Variants in SLC6A5 observed in about 807,000 individuals in gnomAD.
SLC6A5 encodes the protein solute carrier family 6 member 5, also known as sodium- and chloride-dependent glycine transporter 2.
In SLC6A5, 58 loss-of-function variants were observed where a neutral mutation model predicts 90.5. The ratio of observed to expected loss-of-function variants is 0.64; its 90% CI spans 0.52 to 0.80. The LOEUF (loss-of-function observed/expected upper bound fraction) is 0.80. SLC6A5 is among the 30% of genes least tolerant of loss of function. The pLI, the probability that SLC6A5 is intolerant of heterozygous loss-of-function variation, is 0.00. For synonymous variants in SLC6A5, 427 were observed against 401.4 expected (o/e 1.06, Z -0.76); for missense variants, 1,015 against 1,017.6 (o/e 1.00, Z 0.03).
In SLC6A5 at chr11:20,658,240, ATTTTC is replaced by A. The variant is rs533675977; in HGVS notation, c.*3379_*3383del. On this transcript the variant is annotated 3_prime_UTR_variant, in exon 16 of 16. Transcript: ENST00000525748. Reference sequence around the variant, plus strand: ...ATGGTTTCCCATGCCTAAAAGTAAGATTTTCTTTTCTCTTTGTTCCCTTGGCTGTA... The same window carrying A: ...ATGGTTTCCCATGCCTAAAAGTAAGATTTTCTCTTTGTTCCCTTGGCTGTA... 96 of 152,094 alleles carry A rather than the reference ATTTTC, an allele frequency of 6.3e-4. No homozygotes were observed. The highest frequency in any genetic ancestry group is 2.3e-3 in the African/African-American group (94 of 41,476). The allele number at this position is 152,094 out of a possible 1,614,324, so 9.4% of individuals were successfully genotyped here.
chr11:20,636,126 C>T (rs1268649329), intron 10 of SLC6A5, among the ~76,000 whole-genome samples, 181 bp from the exon 11 acceptor site: 2 of 152,168 alleles, frequency 1.3e-5, no homozygotes, highest in Non-Finnish European at 2.9e-5. Context: ...TGGTCTTCCC[C>T]TTCAAGGAGC....
intron 10 of SLC6A5, among the ~76,000 whole-genome samples, chr11:20,633,107 A>G (rs988455156): frequency 2.0e-5 from 3 of 152,184 alleles, no homozygotes; most frequent in Admixed American, 6.5e-5. Context: ...CTTCAGAGCC[A>G]TCTCGCCACC....
intron 8 of SLC6A5, among the ~76,000 whole-genome samples, chr11:20,627,359 A>G (rs558652187): frequency 6.6e-6 from 1 of 152,248 alleles, no homozygotes; most frequent in Admixed American, 6.5e-5. Context: ...AAAAACTACA[A>G]ATGAGGGGGT....
At chr11:20,618,734 C>T (rs938055121) in intron 7 of SLC6A5, among the ~76,000 whole-genome samples, 3 of 151,976 alleles carry the variant, frequency 2.0e-5, no homozygotes, top group African/African-American at 7.3e-5. Flanking sequence ...GCCTGGAGTT[C>T]GAGACCACCC....
chr11:20,614,752 C>T lies in SLC6A5; in HGVS notation c.1059C>T (p.Asn353=), dbSNP rs377270882. Residue 353 remains asparagine (N), a synonymous_variant, in exon 6 of 16, where the codon AAC becomes AAT. Transcript: ENST00000525748. ...CTTTCTGCATGACCGCTTATCCCAACGTGACAATGGTTAATTTCACCAGCC... is the reference window on the plus strand; with the variant it reads ...CTTTCTGCATGACCGCTTATCCCAATGTGACAATGGTTAATTTCACCAGCC... ...NSTFCMTAYP[N]VTMVNFTSQA... 312 of 1,613,510 alleles carry T rather than the reference C, an allele frequency of 1.9e-4. No individual in the cohort carries two copies. Among genetic ancestry groups the T allele is most frequent in the Non-Finnish European group, 2.3e-4 (272 of 1,179,538 alleles).
At chr11:20,642,707 A>G (rs1380223205) in intron 13 of SLC6A5, among the ~76,000 whole-genome samples, 1 of 152,156 alleles carries the variant, frequency 6.6e-6, no homozygotes, top group African/African-American at 2.4e-5. Flanking sequence ...AACCATATAA[A>G]CAGAGGCCTA....
intron 3 of SLC6A5, among the ~76,000 whole-genome samples, chr11:20,606,244 T>C (rs568744969): frequency 1.3e-5 from 2 of 152,304 alleles, no homozygotes; most frequent in Admixed American, 6.5e-5. Context: ...ACGGGGCATT[T>C]TGAGGAATAA....
Position 20,614,070 on chromosome 11 carries a change from C to A in SLC6A5, c.986-609C>A, listed in dbSNP as rs191706927. 2.8e-3 allele frequency among the ~76,000 whole-genome samples: 425 copies of A among 152,278 alleles called. 3 individuals are homozygous for A. The highest frequency in any genetic ancestry group is 0.026 in the Admixed American group (392 of 15,296). The stretch of plus-strand genomic sequence containing the variant: ...ACGGCGTGGTTGCTGCCTCTGCTTA[C>A]CCACGTGAGAGTAGAAAGTACACAG... On this transcript the variant is annotated intron_variant, in intron 5 of 15. Coordinates refer to ENST00000525748, the MANE Select transcript of SLC6A5 (RefSeq NM_004211.5).
chr11:20,602,976 G>T (rs528408084), intron 2 of SLC6A5, among the ~76,000 whole-genome samples: 2 of 152,122 alleles, frequency 1.3e-5, no homozygotes, highest in Non-Finnish European at 2.9e-5. Flanking sequence ...AAGGATTGAA[G>T]GGTGGGATTA....
intron 14 of SLC6A5, among the ~76,000 whole-genome samples, chr11:20,651,065 C>G (rs1156610548): frequency 6.6e-6 from 1 of 152,040 alleles, no homozygotes; most frequent in Non-Finnish European, 1.5e-5. Context: ...AGTCACGGCC[C>G]GGGGACCACT....
rs1391670849 is a variant in SLC6A5, at chr11:20,607,022, C to G, written c.695C>G (p.Pro232Arg). 6.2e-7 allele frequency: 1 copy of G among 1,614,138 alleles called. No homozygotes were observed. Among genetic ancestry groups the G allele is most frequent in the Admixed American group, 1.7e-5 (1 of 60,016 alleles). ...FQNGGGAFLI[P>R]YLMMLALAGL... is the part of the protein sequence containing the mutation. Reference sequence around the variant, plus strand: ...TCTTTCCAAGGTGCTTTCCTCATCCCTTACCTGATGATGCTGGCTCTGGCT... The same window carrying G: ...TCTTTCCAAGGTGCTTTCCTCATCCGTTACCTGATGATGCTGGCTCTGGCT... Residue 232 changes from proline to arginine, a missense_variant, in exon 4 of 16, where the codon CCT (proline) becomes CGT (arginine). By Grantham distance (103) the Pro-to-Arg change is moderately radical. Coordinates refer to ENST00000525748, the MANE Select transcript of SLC6A5 (RefSeq NM_004211.5).
Position 20,617,747 on chromosome 11 carries a change from C to T in SLC6A5, c.1128-5C>T. Reference sequence around the variant, plus strand: ...ACTCCCCCCATCCCTCCCTCCAACTCTCAGGTACTTTGTGCTGAAGATTTC... The same window carrying T: ...ACTCCCCCCATCCCTCCCTCCAACTTTCAGGTACTTTGTGCTGAAGATTTC... On this transcript the variant is annotated splice_polypyrimidine_tract_variant and splice_region_variant and intron_variant, in intron 6 of 15. Transcript: ENST00000525748. The T allele has an allele frequency of 6.2e-7, 1 of 1,613,708 alleles. No homozygotes were observed. Among genetic ancestry groups the T allele is most frequent in the Non-Finnish European group, 8.5e-7 (1 of 1,179,868 alleles).
intron 3 of SLC6A5, among the ~76,000 whole-genome samples, chr11:20,604,794 G>A (rs113328930): frequency 3.3e-5 from 5 of 152,262 alleles, no homozygotes; most frequent in African/African-American, 1.2e-4. Flanking sequence ...CAGCTGTGCA[G>A]TCCTGGAGCC....
rs1590154255 is a variant in SLC6A5, at chr11:20,604,425, G to A, written c.679+1G>A. On this transcript the variant is annotated splice_donor_variant, in intron 3 of 15. Transcript: ENST00000525748. LOFTEE classifies it high-confidence loss of function. The stretch of plus-strand genomic sequence containing the variant: ...TACCTGGCCTTCCAGAACGGGGGAG[G>A]TATGGCTTTTCCGCTCTTTCCGCCT... 6.2e-7 allele frequency: 1 copy of A among 1,613,088 alleles called. No individual in the cohort carries two copies. The highest frequency in any genetic ancestry group is 1.1e-5 in the South Asian group (1 of 91,010).
chr11:20,630,335 C>T (rs1853084600), intron 9 of SLC6A5, among the ~76,000 whole-genome samples: 1 of 152,174 alleles, frequency 6.6e-6, no homozygotes, highest in Admixed American at 6.5e-5. Context: ...ATGACTTAAT[C>T]ACTTTTCTAA....
chr11:20,622,672 G>T (rs1220635167), intron 7 of SLC6A5, among the ~76,000 whole-genome samples: 5 of 152,178 alleles, frequency 3.3e-5, no homozygotes, highest in Admixed American at 6.5e-5. Context: ...AGGAGTGATG[G>T]TGTCTAAACA....
In SLC6A5 at chr11:20,646,923, A is replaced by G. The variant is rs769892184; in HGVS notation, c.2059A>G (p.Thr687Ala). Residue 687 changes from threonine (T) to alanine (A), a missense_variant, in exon 14 of 16, where the codon ACC becomes GCC. Transcript: ENST00000525748. ...WKVCWAFVTP[T>A]ILTFILCFSF... ...AGTCTGCTGGGCATTTGTAACCCCA[A>G]CCATTTTAACCGTAAGGATTTTGCA... 7 of 1,608,576 alleles carry G rather than the reference A, an allele frequency of 4.4e-6. No homozygotes were observed. Among genetic ancestry groups the G allele is most frequent in the East Asian group, 2.2e-5 (1 of 44,828 alleles).
chr11:20,610,476 A>T (rs1311755053), intron 5 of SLC6A5, among the ~76,000 whole-genome samples: 1 of 152,148 alleles, frequency 6.6e-6, no homozygotes, highest in African/African-American at 2.4e-5. Flanking sequence ...TCACAATTGC[A>T]ACTTGGGAAT....
Position 20,600,332 on chromosome 11 carries a change from AGAG to A in SLC6A5, c.3+660_3+662del, listed in dbSNP as rs200597393. On this transcript the variant is annotated intron_variant, in intron 1 of 15. Transcript: ENST00000525748. ...GTGAATAGTTACGCAAAAAAGAAGA[AGAG>A]GAAGAAGAAGAAGAAGAAGAAGAAG... 5.7e-3 allele frequency among the ~76,000 whole-genome samples: 685 copies of A among 119,476 alleles called. 37 individuals are homozygous for A. The East Asian group carries it at 0.065, about 11-fold the overall frequency. 78.4% of individuals were successfully genotyped at this position (119,476 alleles called of 152,430 possible). A position where few individuals can be genotyped will look rare whatever the true frequency, so the allele number is the denominator to read the frequency against.
Sources: gnomAD v4.1 joint callset for allele counts (sites outside exome capture counted in the v4.1 genomes callset) on GRCh38, gnomAD v4.1.1 for gene constraint, MANE v1.5 for transcripts, NCBI Gene and HGNC (gene_info 2026-07-23, HGNC 2026-07-21) for gene names.